The following MLLT10 variants were observed in gnomAD, a reference collection of about 807,000 sequenced individuals.
MLLT10 encodes the protein protein AF-10.
MLLT10 carries 30 observed loss-of-function variants against 129.1 expected under a neutral mutation model. That is an observed-to-expected ratio of 0.23 (90% confidence interval 0.17 to 0.32). The LOEUF (loss-of-function observed/expected upper bound fraction) is 0.32, where lower values mean the gene tolerates loss of function less well. Among genes scored for constraint, MLLT10 ranks in the 10% least tolerant of loss-of-function variants. MLLT10 has a pLI of 1.00. For missense variants in MLLT10, 1,119 were observed against 1,268.3 expected (o/e 0.88, Z 1.79); for synonymous variants, 490 against 446.4 (o/e 1.10, Z -1.23).
chr10:21,598,616 G>A (rs2043229005), intron 5 of MLLT10, among the ~76,000 whole-genome samples: 1 of 152,184 alleles, frequency 6.6e-6, no homozygotes, highest in South Asian at 2.1e-4. Context: ...AGGCGCGATG[G>A]CTTATGCCTG....
intron 8 of MLLT10, chr10:21,624,580 C>T: frequency 7.4e-7 from 1 of 1,353,056 alleles, no homozygotes; most frequent in Non-Finnish European, 9.9e-7. Flanking sequence ...TTTTCAAGCC[C>T]TTACTTGTCT....
In MLLT10 at chr10:21,534,774, G is replaced by T; in HGVS notation, c.130G>T (p.Gly44Trp). The T allele has an allele frequency of 6.2e-7, 1 of 1,612,016 alleles. No individual in the cohort carries two copies. Among genetic ancestry groups the T allele is most frequent in the Non-Finnish European group, 8.5e-7 (1 of 1,178,892 alleles). Residue 44 changes from glycine to tryptophan, a missense_variant, in exon 2 of 23, where the codon GGG becomes TGG. Coordinates refer to ENST00000307729, the MANE Select transcript of MLLT10 (RefSeq NM_001195626.3). ...CGAGAACCCGCTGGTTTATTGCGACGGGCACGGCTGCAGCGTCGCGGTGCA... is the reference window on the plus strand; with the variant it reads ...CGAGAACCCGCTGGTTTATTGCGACTGGCACGGCTGCAGCGTCGCGGTGCA... ...WAENPLVYCD[G>W]HGCSVAVHQA...
At chr10:21,602,475 C>T (rs1589172839) in intron 5 of MLLT10, among the ~76,000 whole-genome samples, 1 of 152,070 alleles carries the variant, frequency 6.6e-6, no homozygotes, top group South Asian at 2.1e-4. Flanking sequence ...TTTGTATATA[C>T]CACCTCTTCC....
chr10:21,571,909 G>C (rs2040249060), intron 3 of MLLT10: 2 of 152,090 alleles, frequency 1.3e-5, no homozygotes, highest in Admixed American at 1.3e-4. Context: ...TATTTTAACT[G>C]TACCTTTTGA....
At chr10:21,657,712 G>C (rs1330249831) in intron 9 of MLLT10, among the ~76,000 whole-genome samples, 1 of 152,090 alleles carries the variant, frequency 6.6e-6, no homozygotes, top group African/African-American at 2.4e-5. Context: ...GTGCACCAGA[G>C]ATACGTGATC....
chr10:21,682,058 T>G (rs756694053), intron 12 of MLLT10, among the ~76,000 whole-genome samples, 167 bp from the exon 13 acceptor site: 24 of 152,196 alleles, frequency 1.6e-4, no homozygotes, highest in Admixed American at 3.9e-4. Flanking sequence ...ATTTAAAAAT[T>G]TATACCATGT....
intron 3 of MLLT10, among the ~76,000 whole-genome samples, chr10:21,569,052 C>A (rs1463753959): frequency 2.0e-5 from 3 of 152,076 alleles, no homozygotes; most frequent in Non-Finnish European, 4.4e-5. Context: ...CATGGTAACA[C>A]CTGAAACCTT....
intron 5 of MLLT10, among the ~76,000 whole-genome samples, chr10:21,596,796 A>C (rs1306194831): frequency 6.6e-6 from 1 of 151,904 alleles, no homozygotes; most frequent in African/African-American, 2.4e-5. Context: ...TTTATGTTAG[A>C]GATCATATTA....
intron 8 of MLLT10, among the ~76,000 whole-genome samples, chr10:21,627,281 G>T: frequency 6.6e-6 from 1 of 151,880 alleles, no homozygotes; most frequent in East Asian, 1.9e-4. Flanking sequence ...TGCCTCTTTA[G>T]CCCAAGTACT....
At chr10:21,640,662 C>T (rs2047916882) in intron 8 of MLLT10, among the ~76,000 whole-genome samples, 1 of 152,088 alleles carries the variant, frequency 6.6e-6, no homozygotes, top group African/African-American at 2.4e-5. Context: ...CATAGCTGAC[C>T]TTTGCTTTCT....
chr10:21,613,389 T>C, intron 6 of MLLT10, among the ~76,000 whole-genome samples: 1 of 152,142 alleles, frequency 6.6e-6, no homozygotes, highest in East Asian at 1.9e-4. Context: ...CCTGAGTTTT[T>C]AGTGTGTAGT....
Position 21,594,179 on chromosome 10 carries a change from G to A in MLLT10, c.296-1152G>A, listed in dbSNP as rs553883897. On this transcript the variant is annotated intron_variant, in intron 4 of 22. Transcript: ENST00000307729. ...CTTCAGTGTTGCATCTGAAACGAGA[G>A]GGGTTTACTTGTTCCCTTTTTCTGT... is the stretch of plus-strand genomic sequence containing the variant. Among the ~76,000 whole-genome samples the A allele has an allele frequency of 2.6e-5, 4 of 152,054 alleles. No homozygotes were observed. In the South Asian group the frequency reaches 8.3e-4, roughly 32 times the overall value.
At chr10:21,544,818 G>C (rs1406211086) in intron 3 of MLLT10, among the ~76,000 whole-genome samples, 1 of 152,154 alleles carries the variant, frequency 6.6e-6, no homozygotes, top group South Asian at 2.1e-4. Context: ...AGAAAGACCT[G>C]TTTTGGGCAT....
chr10:21,611,742 G>A lies in MLLT10; in HGVS notation c.406-606G>A, dbSNP rs560293811. 4.9e-4 allele frequency among the ~76,000 whole-genome samples: 74 copies of A among 152,242 alleles called. 1 individual carries two copies. In the South Asian group the frequency reaches 0.015, roughly 31 times the overall value. Reference sequence around the variant, plus strand: ...GTTTCTCGGGGTGTTCATTGGCTTTGTATCTCTTGGGCATTTCTGACCTAC... The same window carrying A: ...GTTTCTCGGGGTGTTCATTGGCTTTATATCTCTTGGGCATTTCTGACCTAC... On this transcript the variant is annotated intron_variant, in intron 5 of 22. Coordinates refer to ENST00000307729, the MANE Select transcript of MLLT10 (RefSeq NM_001195626.3).
intron 9 of MLLT10, among the ~76,000 whole-genome samples, chr10:21,659,903 C>T (rs2049990677): frequency 6.6e-6 from 1 of 152,068 alleles, no homozygotes. Flanking sequence ...TGGAGCTTAC[C>T]ACAGTGATGA....
chr10:21,536,567 A>G (rs2034047701), intron 2 of MLLT10, among the ~76,000 whole-genome samples: 1 of 152,144 alleles, frequency 6.6e-6, no homozygotes, highest in Non-Finnish European at 1.5e-5. Flanking sequence ...TTATAGTGAG[A>G]CACATTTTAC....
intron 13 of MLLT10, among the ~76,000 whole-genome samples, chr10:21,689,562 T>G (rs1020857276): frequency 1.2e-4 from 11 of 93,130 alleles, no homozygotes; most frequent in Non-Finnish European, 4.3e-5. Flanking sequence ...TATATATATA[T>G]ATGTATATAT....
At chr10:21,609,856 A>G (rs73592590) in intron 5 of MLLT10, among the ~76,000 whole-genome samples, 2,541 of 152,080 alleles carry the variant, frequency 0.017, 69 homozygotes, top group African/African-American at 0.058. Flanking sequence ...GTATGTTTGC[A>G]GAGTACAGTG....
chr10:21,551,980 C>A (rs541949324), intron 3 of MLLT10: 4 of 253,698 alleles, frequency 1.6e-5, no homozygotes, highest in Admixed American at 1.1e-4. Context: ...TTTTTAGAGA[C>A]GGAGTTTCAC....
Sources: allele counts gnomAD v4.1 joint callset (sites outside exome capture counted in the v4.1 genomes callset), GRCh38; gene constraint gnomAD v4.1.1; transcripts MANE v1.5; gene names NCBI Gene and HGNC (gene_info 2026-07-23, HGNC 2026-07-21).